Variants in GALK2 observed in about 807,000 individuals in gnomAD.
The protein encoded by GALK2 is N-acetylgalactosamine kinase.
In GALK2, 36 loss-of-function variants were observed where a neutral mutation model predicts 52.4. That is an observed-to-expected ratio of 0.69 (90% CI 0.53 to 0.91). The LOEUF is 0.91. GALK2 is among the 40% of genes least tolerant of loss of function. The pLI is 0.00. For missense variants in GALK2, 579 were observed against 559.1 expected (o/e 1.04, Z -0.36); for synonymous variants, 176 against 199.1 (o/e 0.88, Z 0.98).
intron 5 of GALK2, among the ~76,000 whole-genome samples, chr15:49,244,729 G>A (rs140423272): frequency 3.9e-5 from 6 of 152,208 alleles, no homozygotes; most frequent in Non-Finnish European, 8.8e-5. Flanking sequence ...TAGAACATTG[G>A]TATTTGTAGA....
chr15:49,156,458 C>T (rs2084453238), intron 1 of GALK2: 2 of 475,756 alleles, frequency 4.2e-6, no homozygotes, highest in Non-Finnish European at 8.2e-6. Flanking sequence ...GCAGATTAGT[C>T]TCTATCCAGA....
At chr15:49,226,362 G>T (rs1466303960) in intron 3 of GALK2, among the ~76,000 whole-genome samples, 1 of 152,040 alleles carries the variant, frequency 6.6e-6, no homozygotes, top group Non-Finnish European at 1.5e-5. Flanking sequence ...CCCACACAAG[G>T]TTCCCAGCTT....
chr15:49,261,855 T>C (rs1365003059), intron 5 of GALK2, among the ~76,000 whole-genome samples: 1 of 152,114 alleles, frequency 6.6e-6, no homozygotes, highest in African/African-American at 2.4e-5. Context: ...GTTCTGTTTA[T>C]ATGCTGGATT....
intron 5 of GALK2, among the ~76,000 whole-genome samples, chr15:49,276,924 G>GTTTTTTTTTTTT (rs2031772872): frequency 1.5e-5 from 1 of 64,520 alleles, no homozygotes; most frequent in Non-Finnish European, 3.4e-5. Flanking sequence ...TTTTTTTTTG[G>GTTTTTTTTTTTT]TTTTTGTTTT....
chr15:49,326,110 A>G (rs1028320442), intron 9 of GALK2, among the ~76,000 whole-genome samples: 7 of 152,162 alleles, frequency 4.6e-5, no homozygotes, highest in Non-Finnish European at 7.3e-5. Context: ...AAATCAAGTA[A>G]GAAGGCACAG....
chr15:49,167,816 C>G (rs1246471957), upstream of GALK2, among the ~76,000 whole-genome samples: 1 of 152,072 alleles, frequency 6.6e-6, no homozygotes, highest in Non-Finnish European at 1.5e-5. Context: ...TAGCAAGATG[C>G]CTAGTATAAG....
intron 3 of GALK2, among the ~76,000 whole-genome samples, chr15:49,227,868 A>G (rs2090223652): frequency 6.6e-6 from 1 of 152,080 alleles, no homozygotes; most frequent in East Asian, 1.9e-4. Context: ...CTTTGCTTCC[A>G]GGTATAGTAC....
chr15:49,290,530 A>G (rs1387580282), intron 7 of GALK2, among the ~76,000 whole-genome samples: 1 of 152,218 alleles, frequency 6.6e-6, no homozygotes, highest in Admixed American at 6.5e-5. Context: ...CATCCCTTGC[A>G]GACTTTCTCC....
intron 8 of GALK2, among the ~76,000 whole-genome samples, chr15:49,310,134 G>GT (rs538502016): frequency 1.1e-3 from 162 of 152,216 alleles, no homozygotes; most frequent in African/African-American, 3.8e-3. Flanking sequence ...GGATCATGTG[G>GT]TTTTTAATCT....
intron 5 of GALK2, among the ~76,000 whole-genome samples, chr15:49,264,542 T>C (rs1192880810): frequency 6.6e-6 from 1 of 152,232 alleles, no homozygotes; most frequent in Non-Finnish European, 1.5e-5. Flanking sequence ...CTCAGAGTAA[T>C]TTGATCGTCT....
intron 3 of GALK2, among the ~76,000 whole-genome samples, chr15:49,339,480 G>C (rs1472801946): frequency 6.6e-6 from 1 of 152,314 alleles, no homozygotes; most frequent in East Asian, 1.9e-4. Context: ...ATTGCTGCCT[G>C]TTCCTTCCTC....
At chr15:49,160,872 C>CAA (rs906841061) in intron 1 of GALK2, among the ~76,000 whole-genome samples, 10 of 127,884 alleles carry the variant, frequency 7.8e-5, no homozygotes, top group African/African-American at 2.9e-4. Flanking sequence ...GACTCCATCT[C>CAA]AAAAAAAAAA....
chr15:49,295,492 A>C (rs544928592), intron 8 of GALK2, among the ~76,000 whole-genome samples: 28 of 152,290 alleles, frequency 1.8e-4, no homozygotes, highest in African/African-American at 6.7e-4. Flanking sequence ...AGAAAGTCTT[A>C]ATAGACATTG....
At chr15:49,296,226 G>T (rs2034466489) in intron 8 of GALK2, among the ~76,000 whole-genome samples, 2 of 152,122 alleles carry the variant, frequency 1.3e-5, no homozygotes, top group Admixed American at 6.6e-5. Flanking sequence ...TATCACCCAG[G>T]TAGTGAGCAT....
At chr15:49,192,997 C>CTTTTTTTTTTT (rs35231463) in intron 1 of GALK2, among the ~76,000 whole-genome samples, 1 of 67,078 alleles carries the variant, frequency 1.5e-5, no homozygotes. Context: ...CTGTTTATAC[C>CTTTTTTTTTTT]TTTTTTTTTT....
At chr15:49,250,396 T>A (rs1595833484) in intron 5 of GALK2, among the ~76,000 whole-genome samples, 1 of 152,208 alleles carries the variant, frequency 6.6e-6, no homozygotes, top group African/African-American at 2.4e-5. Flanking sequence ...GAGTAAAAGA[T>A]GTCTTTTTAA....
At chr15:49,233,173 G>A (rs1192356512) in intron 3 of GALK2, among the ~76,000 whole-genome samples, 1 of 152,168 alleles carries the variant, frequency 6.6e-6, no homozygotes, top group Admixed American at 6.5e-5. Flanking sequence ...AGCATGGCTA[G>A]GGAGGCCTCA....
At chr15:49,277,177 T>A (rs1269062105) in intron 5 of GALK2, among the ~76,000 whole-genome samples, 441 of 31,056 alleles carry the variant, frequency 0.014, 41 homozygotes, top group African/African-American at 0.056. Context: ...TTTTTTTTTT[T>A]TTTTTTTTTG....
At chr15:49,164,181 A>G (rs2084742232) in intron 1 of GALK2, among the ~76,000 whole-genome samples, 1 of 152,172 alleles carries the variant, frequency 6.6e-6, no homozygotes, top group South Asian at 2.1e-4. Context: ...TATAGTTGAC[A>G]TAGGAGGAAT....
Sources: gnomAD v4.1 joint callset for allele counts (sites outside exome capture counted in the v4.1 genomes callset) on GRCh38, gnomAD v4.1.1 for gene constraint, MANE v1.5 for transcripts, NCBI Gene and HGNC (gene_info 2026-07-23, HGNC 2026-07-21) for gene names.